The following ADAMTS17 variants were observed in gnomAD, a reference collection of about 807,000 sequenced individuals.
The protein encoded by ADAMTS17 is A disintegrin and metalloproteinase with thrombospondin motifs 17.
In ADAMTS17, 113 loss-of-function variants were observed where a neutral mutation model predicts 141.5. That is an observed-to-expected ratio of 0.80 (90% CI 0.69 to 0.93). The LOEUF is 0.93. ADAMTS17 is among the 40% of genes least tolerant of loss of function. The probability of loss-of-function intolerance (pLI) is 0.00; values close to 1 mark genes in which losing one functional copy is unlikely to be tolerated. For synonymous variants in ADAMTS17, 768 were observed against 630.6 expected, an observed-to-expected ratio of 1.22 and a Z score of -3.27; for missense variants, 1,659 against 1,517.9, an observed-to-expected ratio of 1.09 and a Z score of -1.54.
intron 2 of ADAMTS17, among the ~76,000 whole-genome samples, chr15:100,331,688 G>T (rs2046058536): frequency 6.6e-6 from 1 of 152,122 alleles, no homozygotes; most frequent in African/African-American, 2.4e-5. Context: ...AACTGCCTTT[G>T]ATCGCAGATT....
intron 3 of ADAMTS17, among the ~76,000 whole-genome samples, chr15:100,323,858 T>C (rs1210942091): frequency 2.0e-5 from 3 of 152,042 alleles, no homozygotes; most frequent in Non-Finnish European, 4.4e-5. Context: ...GTATGCAGTT[T>C]ATGACTATAT....
chr15:100,330,970 G>T lies in ADAMTS17; in HGVS notation c.535C>A (p.Leu179Met), dbSNP rs759122309. 2 of 1,614,066 alleles carry T rather than the reference G, an allele frequency of 1.2e-6. No individual in the cohort carries two copies. Among genetic ancestry groups the T allele is most frequent in the Non-Finnish European group, 1.7e-6 (2 of 1,180,052 alleles). The change falls in exon 3 of 22, where the codon CTG becomes ATG. Residue 179 changes from leucine to methionine, a missense_variant. Transcript: ENST00000268070. Reference protein sequence around the residue: ...SQGPFSGREHLIRRKWSLTPS... With the variant: ...SQGPFSGREHMIRRKWSLTPS... Reference sequence around the variant, plus strand: ...GTCAAGGACCATTTGCGCCTGATCAGATGTTCTCGTCCACTGAATGGGCCC... The same window carrying T: ...GTCAAGGACCATTTGCGCCTGATCATATGTTCTCGTCCACTGAATGGGCCC...
At chr15:100,295,276 G>A (rs560212038) in intron 3 of ADAMTS17, among the ~76,000 whole-genome samples, 20 of 152,188 alleles carry the variant, frequency 1.3e-4, no homozygotes, top group East Asian at 5.8e-4. Context: ...TCTTCTGCAC[G>A]CTGCTCTATA....
intron 6 of ADAMTS17, 28 bp from the exon 7 acceptor site, chr15:100,254,207 T>A: frequency 6.3e-7 from 1 of 1,597,378 alleles, no homozygotes; most frequent in Non-Finnish European, 8.6e-7. Context: ...CATCATCAGG[T>A]ATATGCAGTA....
intron 3 of ADAMTS17, among the ~76,000 whole-genome samples, chr15:100,329,437 G>A (rs994943639): frequency 6.6e-6 from 1 of 151,148 alleles, no homozygotes; most frequent in African/African-American, 2.4e-5. Context: ...CAGGAGCGAG[G>A]ATCACCTGAG....
intron 12 of ADAMTS17, among the ~76,000 whole-genome samples, chr15:100,123,554 G>A (rs182034619): frequency 9.8e-5 from 15 of 152,316 alleles, no homozygotes; most frequent in East Asian, 7.7e-4. Context: ...CCTGAGGACC[G>A]GGAAGAAACT....
chr15:100,194,430 C>G (rs923723050), intron 8 of ADAMTS17, among the ~76,000 whole-genome samples: 1 of 152,214 alleles, frequency 6.6e-6, no homozygotes, highest in African/African-American at 2.4e-5. Flanking sequence ...TTCTTTTATA[C>G]CGGAGCTTCC....
In ADAMTS17 at chr15:99,997,734, A is replaced by G. The variant is rs551904169; in HGVS notation, c.2592-145T>C. 1 of 977,788 alleles carries G rather than the reference A, an allele frequency of 1.0e-6. No individual in the cohort carries two copies. Among genetic ancestry groups the G allele is most frequent in the South Asian group, 1.4e-5 (1 of 69,192 alleles). 60.6% of individuals were successfully genotyped at this position (977,788 alleles called of 1,614,324 possible). ...GGAAGCTTTTCAGCCAACCCTGGAC[A>G]TAACTCAGAGTATCGGCACAGAGGG... On this transcript the variant is annotated intron_variant, in intron 18 of 21. Transcript: ENST00000268070. The surrounding 1 kb of genome is among the most constrained non-coding windows in gnomAD (Gnocchi z 4.7).
chr15:100,310,895 G>A (rs553869015), intron 3 of ADAMTS17, among the ~76,000 whole-genome samples: 4 of 152,186 alleles, frequency 2.6e-5, no homozygotes, highest in Admixed American at 6.5e-5. Flanking sequence ...CTGTCTGGTC[G>A]TGCACATGAA....
chr15:100,128,019 C>T (rs1206084737), intron 12 of ADAMTS17, among the ~76,000 whole-genome samples: 13 of 152,162 alleles, frequency 8.5e-5, no homozygotes, highest in Admixed American at 8.5e-4. Flanking sequence ...ATTCACCACC[C>T]TCCTCATGAC....
chr15:100,065,620 G>A (rs1696912935), intron 15 of ADAMTS17, among the ~76,000 whole-genome samples: 1 of 152,166 alleles, frequency 6.6e-6, no homozygotes. Flanking sequence ...TGATGTCATA[G>A]GAGTGCTTCC....
At chr15:100,059,268 C>T (rs899264929) in intron 15 of ADAMTS17, among the ~76,000 whole-genome samples, 4 of 152,362 alleles carry the variant, frequency 2.6e-5, no homozygotes, top group South Asian at 2.1e-4. Context: ...GGCATGCCCA[C>T]GCACTGCCTG....
intron 4 of ADAMTS17, among the ~76,000 whole-genome samples, chr15:100,276,541 G>A (rs1345751839): frequency 6.6e-6 from 1 of 151,352 alleles, no homozygotes; most frequent in Admixed American, 6.6e-5. Context: ...GTGGGTGCCT[G>A]GCCATCAGCA....
rs1290017105 is a variant in ADAMTS17, at chr15:99,997,606, A to G, written c.2592-17T>C. The G allele has an allele frequency of 1.9e-6, 3 of 1,612,124 alleles. No homozygotes were observed. Among genetic ancestry groups the G allele is most frequent in the African/African-American group, 2.7e-5 (2 of 74,876 alleles). ...GCCACCCACCTGCCAGACGGGAGGA[A>G]AGAGAGAGAGAACGACTGGGTGAGA... is the stretch of plus-strand genomic sequence containing the variant. On this transcript the variant is annotated splice_polypyrimidine_tract_variant and intron_variant, in intron 18 of 21. Transcript: ENST00000268070. This position sits in a 1 kb window ranked among gnomAD's most constrained non-coding sequence, Gnocchi z 4.7.
At chr15:100,238,787 A>T (rs1257035126) in intron 7 of ADAMTS17, among the ~76,000 whole-genome samples, 1 of 152,144 alleles carries the variant, frequency 6.6e-6, no homozygotes, top group East Asian at 1.9e-4. Flanking sequence ...TTAAAATGCT[A>T]TCGAAAAGCG....
At chr15:100,244,611 C>A (rs2042931486) in intron 7 of ADAMTS17, among the ~76,000 whole-genome samples, 1 of 152,022 alleles carries the variant, frequency 6.6e-6, no homozygotes, top group Admixed American at 6.5e-5. Flanking sequence ...TGGGTGGCAC[C>A]TGGTGATGGG....
intron 15 of ADAMTS17, among the ~76,000 whole-genome samples, chr15:100,093,074 A>G (rs1448858928): frequency 6.6e-6 from 1 of 152,238 alleles, no homozygotes; most frequent in East Asian, 1.9e-4. Flanking sequence ...AGCCAAGTTG[A>G]GTTGATTCCT....
intron 7 of ADAMTS17, among the ~76,000 whole-genome samples, chr15:100,218,062 A>T (rs1342957421): frequency 1.3e-5 from 2 of 152,138 alleles, no homozygotes; most frequent in Non-Finnish European, 2.9e-5. Context: ...CTGTAGATAC[A>T]GGGTTTCACC....
At position 100,109,000 on chromosome 15, in the gene ADAMTS17, C is replaced by T. The variant is rs749915048; in HGVS notation, c.2005G>A (p.Gly669Ser). 2.2e-5 allele frequency: 35 copies of T among 1,613,942 alleles called. No homozygotes were observed. The highest frequency in any genetic ancestry group is 1.5e-4 in the African/African-American group (11 of 74,932). ...GPYETDLCVH[G>S]KCQKIGCDGI... ...GAGAAGTACGTCACCTGGCACTTGC[C>T]GTGCACGCAGAGATCAGTCTCGTAG... The change falls in exon 14 of 22, where the codon GGC becomes AGC. Residue 669 changes from glycine to serine, a missense_variant. Transcript: ENST00000268070.
Sources: gnomAD v4.1 joint callset for allele counts (sites outside exome capture counted in the v4.1 genomes callset) on GRCh38, gnomAD v4.1.1 for gene constraint, Gnocchi (gnomAD v3.1) non-coding constraint, MANE v1.5 for transcripts, NCBI Gene and HGNC (gene_info 2026-07-23, HGNC 2026-07-21) for gene names.